The following RIPOR2 variants were observed in gnomAD, a reference collection of about 807,000 sequenced individuals.
RIPOR2 encodes the protein rho family-interacting cell polarization regulator 2.
Under a neutral mutation model 114.5 loss-of-function variants are expected in RIPOR2, and 39 were observed. The observed-to-expected ratio is 0.34, with a 90% CI of 0.26 to 0.44. The LOEUF is 0.44. Ranked by LOEUF, RIPOR2 falls within the 20% of genes least tolerant of loss-of-function variation. The pLI is 1.00. For missense variants in RIPOR2, 1,007 were observed against 1,255.1 expected (o/e 0.80, Z 2.99); for synonymous variants, 445 against 484.4 (o/e 0.92, Z 1.07).
At chr6:24,906,064 T>C (rs1287593733) in intron 1 of RIPOR2, among the ~76,000 whole-genome samples, 1 of 152,232 alleles carries the variant, frequency 6.6e-6, no homozygotes, top group Non-Finnish European at 1.5e-5. Context: ...AGGTTGGTTT[T>C]CGGTATGGTC....
At chr6:24,917,924 T>C (rs556690680) in intron 1 of RIPOR2, among the ~76,000 whole-genome samples, 1 of 152,212 alleles carries the variant, frequency 6.6e-6, no homozygotes, top group Non-Finnish European at 1.5e-5. Context: ...AAAAGAGACG[T>C]ATCTGTAAAG....
chr6:24,967,999 G>A (rs774509775), intron 1 of RIPOR2, among the ~76,000 whole-genome samples: 7 of 143,596 alleles, frequency 4.9e-5, no homozygotes, highest in Non-Finnish European at 1.0e-4. Context: ...TGCAACCTCC[G>A]CCTCCCAGGT....
chr6:24,970,193 G>A (rs1408371355), intron 1 of RIPOR2, among the ~76,000 whole-genome samples: 8 of 152,156 alleles, frequency 5.3e-5, no homozygotes, highest in African/African-American at 1.9e-4. Flanking sequence ...AGAGCACGTG[G>A]GACCATGACA....
chr6:24,826,729 C>T lies in RIPOR2; in HGVS notation c.2666-1301G>A, dbSNP rs182580355. ...TAACTAATATAATCTAATACAAATG[C>T]TTTCAAAGAATAAGATAGAACATAA... On this transcript the variant is annotated intron_variant, in intron 18 of 21. Transcript: ENST00000643898. Among the ~76,000 whole-genome samples the T allele has an allele frequency of 4.6e-5, 7 of 152,130 alleles. No homozygotes were observed. In the East Asian group the frequency reaches 1.3e-3, roughly 29 times the overall value.
At chr6:24,828,869 T>G (rs1760426241) in intron 17 of RIPOR2, among the ~76,000 whole-genome samples, 1 of 152,186 alleles carries the variant, frequency 6.6e-6, no homozygotes, top group African/African-American at 2.4e-5. Flanking sequence ...CTGACTTCTA[T>G]CAACATAAAT....
chr6:24,825,362 G>T lies in RIPOR2; in HGVS notation c.2732C>A (p.Ala911Asp), dbSNP rs542638525. 11 of 1,552,100 alleles carry T rather than the reference G, an allele frequency of 7.1e-6. No individual in the cohort carries two copies. In the African/African-American group the frequency reaches 1.4e-4, roughly 19 times the overall value. ...CTGCTGGGCCAGGAGGTTGCTGGGAGCAAGGTCACTCATGGTTTGTAGCAG... is the reference window on the plus strand; with the variant it reads ...CTGCTGGGCCAGGAGGTTGCTGGGATCAAGGTCACTCATGGTTTGTAGCAG... ...EKLLQTMSDL[A>D]PSNLLAQQEV... is the part of the protein sequence containing the mutation. Residue 911 changes from alanine to aspartate, a missense_variant, in exon 19 of 22, where the codon GCT becomes GAT. Transcript: ENST00000643898.
intron 1 of RIPOR2, among the ~76,000 whole-genome samples, chr6:24,981,601 C>A (rs1180892585): frequency 1.3e-5 from 2 of 152,128 alleles, no homozygotes; most frequent in Non-Finnish European, 2.9e-5. Flanking sequence ...CCTGGCCAGC[C>A]CTTCAACTGA....
At chr6:24,972,063 T>C (rs1366099947) in intron 1 of RIPOR2, among the ~76,000 whole-genome samples, 2 of 152,188 alleles carry the variant, frequency 1.3e-5, no homozygotes, top group Non-Finnish European at 2.9e-5. Flanking sequence ...GTAGGACAGC[T>C]ACACAATTAT....
At chr6:24,853,173 C>CTTAAGCTAGTAATAA (rs1228311851) in intron 8 of RIPOR2, among the ~76,000 whole-genome samples, 1 of 152,166 alleles carries the variant, frequency 6.6e-6, no homozygotes, top group African/African-American at 2.4e-5. Context: ...TGGATTATTA[C>CTTAAGCTAGTAATAA]TTACATAAAG....
chr6:24,980,270 G>A (rs950676329), intron 1 of RIPOR2, among the ~76,000 whole-genome samples: 4 of 152,166 alleles, frequency 2.6e-5, no homozygotes, highest in African/African-American at 9.7e-5. Flanking sequence ...AAATTACAAA[G>A]CAATAATGTG....
rs1418749036 is a variant in RIPOR2 at position 24,877,341 on chromosome 6, G to C, written c.62-1524C>G. 3.0e-6 allele frequency: 3 copies of C among 985,258 alleles called. No homozygotes were observed. The African/African-American group carries it at 5.2e-5, about 17-fold the overall frequency. The allele number at this position is 985,258 out of a possible 1,614,324, so 61.0% of individuals were successfully genotyped here. A position where few individuals can be genotyped will look rare whatever the true frequency, so the allele number is the denominator to read the frequency against. ...CCAGGAGAGAGCAGCCCTGGAGTTT[G>C]TATGCATTCTTGCGAGGTACAGGTG... On this transcript the variant is annotated intron_variant, in intron 1 of 21. Transcript: ENST00000643898.
intron 1 of RIPOR2, among the ~76,000 whole-genome samples, chr6:24,935,317 C>CAAAAAAAA (rs1249173537): frequency 2.5e-5 from 2 of 79,736 alleles, no homozygotes; most frequent in Non-Finnish European, 5.3e-5. Context: ...CAAAAAACAA[C>CAAAAAAAA]AACAAAAAAA....
At chr6:24,987,497 A>G (rs571552611) in intron 1 of RIPOR2, among the ~76,000 whole-genome samples, 17 of 152,352 alleles carry the variant, frequency 1.1e-4, no homozygotes, top group African/African-American at 3.8e-4. Flanking sequence ...TGGAACAGAG[A>G]GGCTCACAGG....
intron 1 of RIPOR2, among the ~76,000 whole-genome samples, chr6:24,949,119 A>G (rs1025868276): frequency 1.4e-4 from 21 of 152,252 alleles, no homozygotes; most frequent in Admixed American, 1.4e-3. Context: ...TGTGACAACA[A>G]TTTGAAAAGC....
chr6:25,039,540 C>G (rs1228008052), intron 1 of RIPOR2, among the ~76,000 whole-genome samples: 2 of 152,164 alleles, frequency 1.3e-5, no homozygotes, highest in Non-Finnish European at 1.5e-5. Flanking sequence ...ATATTAAAAC[C>G]ATGCAGAAAT....
At chr6:24,921,660 G>C (rs6932439) in intron 1 of RIPOR2, among the ~76,000 whole-genome samples, 18,431 of 124,716 alleles carry the variant, frequency 0.15, 1,284 homozygotes, top group African/African-American at 0.2. Context: ...CGCCCCCCCC[G>C]ACCCTGATGT....
intron 1 of RIPOR2, among the ~76,000 whole-genome samples, chr6:24,974,209 CCTCCTCTCTGCAAGGAAAA>C (rs1375051686): frequency 2.0e-5 from 3 of 152,110 alleles, no homozygotes; most frequent in South Asian, 4.2e-4. Flanking sequence ...CATAGTGAGA[CCTCCTCTCTGCAAGGAAAA>C]AAATAAGATT....
intron 1 of RIPOR2, among the ~76,000 whole-genome samples, chr6:24,986,691 T>A (rs1017482495): frequency 2.0e-5 from 3 of 152,124 alleles, no homozygotes; most frequent in Admixed American, 2.0e-4. Flanking sequence ...CCAAAGACAA[T>A]GAAAAATCTA....
intron 1 of RIPOR2, among the ~76,000 whole-genome samples, chr6:25,005,253 G>T (rs1177748103): frequency 6.6e-6 from 1 of 152,106 alleles, no homozygotes; most frequent in African/African-American, 2.4e-5. Flanking sequence ...TCATCTACGA[G>T]GCTGACTCTG....
Sources: gnomAD v4.1 joint callset for allele counts (sites outside exome capture counted in the v4.1 genomes callset) on GRCh38, gnomAD v4.1.1 for gene constraint, MANE v1.5 for transcripts, NCBI Gene and HGNC (gene_info 2026-07-23, HGNC 2026-07-21) for gene names.